The following CALN1 variants were observed in gnomAD, a reference collection of about 807,000 sequenced individuals.
The protein encoded by CALN1 is calcium-binding protein 8.
In CALN1, 17 loss-of-function variants were observed where a neutral mutation model predicts 30.6. That is an observed-to-expected ratio of 0.56 (90% CI 0.38 to 0.83). The LOEUF (loss-of-function observed/expected upper bound fraction) is 0.83. Among genes scored for constraint, CALN1 ranks in the 40% least tolerant of loss-of-function variants. The pLI is 0.00. For synonymous variants in CALN1, 156 were observed against 131.4 expected (o/e 1.19, Z -1.28); for missense variants, 291 against 354.9 (o/e 0.82, Z 1.45).
chr7:71,921,607 T>C (rs1218425374), intron 5 of CALN1, among the ~76,000 whole-genome samples: 3 of 152,158 alleles, frequency 2.0e-5, no homozygotes, highest in South Asian at 4.1e-4. Flanking sequence ...ATATTCAGAA[T>C]AACCCCAATG....
intron 2 of CALN1, among the ~76,000 whole-genome samples, chr7:72,347,165 G>C (rs1306032108): frequency 6.6e-6 from 1 of 152,040 alleles, no homozygotes; most frequent in Non-Finnish European, 1.5e-5. Flanking sequence ...ACTCCGAATA[G>C]GATACGTGCA....
At chr7:72,193,273 G>T (rs1562716068) in intron 3 of CALN1, among the ~76,000 whole-genome samples, 1 of 152,138 alleles carries the variant, frequency 6.6e-6, no homozygotes, top group African/African-American at 2.4e-5. Context: ...GCTGAGGTGG[G>T]AGGATTGTTT....
chr7:72,409,958 C>T (rs758566818), intron 1 of CALN1, among the ~76,000 whole-genome samples: 2 of 152,184 alleles, frequency 1.3e-5, no homozygotes, highest in Non-Finnish European at 2.9e-5. Context: ...TCCCCTTGGT[C>T]CTTTCCTCTA....
chr7:71,859,888 T>C (rs1791170840), intron 5 of CALN1, among the ~76,000 whole-genome samples: 1 of 152,156 alleles, frequency 6.6e-6, no homozygotes, highest in South Asian at 2.1e-4. Flanking sequence ...ATTCTTAGCC[T>C]CCAGAGGTGT....
At chr7:71,977,275 AAG>A (rs976245526) in intron 5 of CALN1, among the ~76,000 whole-genome samples, 28 of 152,130 alleles carry the variant, frequency 1.8e-4, no homozygotes, top group African/African-American at 6.5e-4. Context: ...TACCAAGAAA[AAG>A]AAAAAAATCA....
intron 3 of CALN1, among the ~76,000 whole-genome samples, chr7:72,156,605 C>T (rs1047402602): frequency 2.6e-5 from 4 of 152,308 alleles, no homozygotes; most frequent in East Asian, 3.9e-4. Context: ...ATGTCACCAC[C>T]GTAGCGACCT....
intron 5 of CALN1, among the ~76,000 whole-genome samples, chr7:71,958,792 G>A (rs1797096952): frequency 6.6e-6 from 1 of 152,088 alleles, no homozygotes; most frequent in Non-Finnish European, 1.5e-5. Context: ...TTCAAAATCA[G>A]GCAGAAAGGC....
intron 6 of CALN1, among the ~76,000 whole-genome samples, chr7:71,789,292 C>T (rs191129527): frequency 6.6e-6 from 1 of 152,272 alleles, no homozygotes; most frequent in Admixed American, 6.5e-5. Flanking sequence ...TGGCACATGC[C>T]TGTAATCTCA....
intron 2 of CALN1, among the ~76,000 whole-genome samples, chr7:72,303,209 G>A (rs1003683473): frequency 1.3e-5 from 2 of 152,176 alleles, no homozygotes; most frequent in African/African-American, 4.8e-5. Context: ...TCATGAGATG[G>A]ATTCTAACAA....
At position 71,787,691 on chromosome 7, in the gene CALN1, T is replaced by C; in HGVS notation, c.*84A>G. On this transcript the variant is annotated 3_prime_UTR_variant, in exon 7 of 7. Coordinates refer to ENST00000395275, the MANE Select transcript of CALN1 (RefSeq NM_031468.4). ...CATCCATCCATAGTCCATAGGTCCGTGTCTGCTGTGTGGAGGAAGAGTCTG... is the reference window on the plus strand; with the variant it reads ...CATCCATCCATAGTCCATAGGTCCGCGTCTGCTGTGTGGAGGAAGAGTCTG... 1 of 1,562,422 alleles carries C rather than the reference T, an allele frequency of 6.4e-7. No homozygotes were observed. Among genetic ancestry groups the C allele is most frequent in the Non-Finnish European group, 8.7e-7 (1 of 1,152,552 alleles).
intron 5 of CALN1, among the ~76,000 whole-genome samples, chr7:72,006,014 A>G (rs1321794134): frequency 1.3e-5 from 2 of 152,226 alleles, no homozygotes; most frequent in Admixed American, 1.3e-4. Flanking sequence ...CAGTTATGAT[A>G]TTGTATTATG....
intron 4 of CALN1, among the ~76,000 whole-genome samples, chr7:72,079,639 A>C (rs950977860): frequency 1.3e-5 from 2 of 151,970 alleles, no homozygotes; most frequent in African/African-American, 4.8e-5. Context: ...CTGGGTCACC[A>C]TGGTCGTAGT....
At chr7:72,339,065 T>G (rs182273923) in intron 2 of CALN1, among the ~76,000 whole-genome samples, 1 of 142,888 alleles carries the variant, frequency 7.0e-6, no homozygotes, top group East Asian at 2.3e-4. Flanking sequence ...AGTGAAAACA[T>G]GTGATGTTTG....
chr7:72,487,924 A>AGGAAG, the CALN1 span, among the ~76,000 whole-genome samples: 1 of 84,956 alleles, frequency 1.2e-5, no homozygotes, highest in Non-Finnish European at 2.4e-5. Flanking sequence ...GAAAGAAGGA[A>AGGAAG]GGAAGGAAGG....
At chr7:72,082,421 AG>A (rs1805208836) in intron 4 of CALN1, among the ~76,000 whole-genome samples, 1 of 152,190 alleles carries the variant, frequency 6.6e-6, no homozygotes, top group Admixed American at 6.5e-5. Flanking sequence ...AAGGTTGGAT[AG>A]GGCAGGAGAG....
chr7:72,030,507 A>AC (rs377261021), intron 4 of CALN1, among the ~76,000 whole-genome samples: 5 of 152,052 alleles, frequency 3.3e-5, no homozygotes, highest in African/African-American at 1.2e-4. Flanking sequence ...GGCTGGGAAT[A>AC]CCCCCCAAAA....
intron 2 of CALN1, among the ~76,000 whole-genome samples, chr7:72,396,514 C>T (rs569050184): frequency 5.3e-5 from 8 of 151,250 alleles, no homozygotes; most frequent in African/African-American, 9.7e-5. Context: ...GTGAATAGGA[C>T]GGAGGAGGTA....
chr7:72,439,867 G>A (rs929298990), intron 1 of CALN1, among the ~76,000 whole-genome samples: 5 of 152,132 alleles, frequency 3.3e-5, no homozygotes, highest in Non-Finnish European at 5.9e-5. Context: ...GTGAGCCACT[G>A]TGCCGGGCCT....
intron 3 of CALN1, among the ~76,000 whole-genome samples, chr7:72,138,239 TATC>T (rs1809641702): frequency 6.6e-6 from 1 of 152,208 alleles, no homozygotes; most frequent in Non-Finnish European, 1.5e-5. Context: ...AAGATGGAAT[TATC>T]ATCAAATGAT....
Sources: gnomAD v4.1 joint callset for allele counts (sites outside exome capture counted in the v4.1 genomes callset) on GRCh38, gnomAD v4.1.1 for gene constraint, MANE v1.5 for transcripts, NCBI Gene and HGNC (gene_info 2026-07-23, HGNC 2026-07-21) for gene names.